BRD2: variants seen among roughly 807,000 people sequenced by gnomAD.
BRD2 encodes the protein bromodomain containing 2.
In BRD2, 15 loss-of-function variants were observed where a neutral mutation model predicts 79.1. That is an observed-to-expected ratio of 0.19 (90% CI 0.13 to 0.29). BRD2 has a LOEUF of 0.29. BRD2 is among the 10% of genes least tolerant of loss of function. BRD2 has a pLI of 1.00. For synonymous variants in BRD2, 488 were observed against 358.6 expected, an observed-to-expected ratio of 1.36 and a Z score of -4.08; for missense variants, 1,053 against 991.3, an observed-to-expected ratio of 1.06 and a Z score of -0.84.
In BRD2 at chr6:32,980,453, C is replaced by T; in HGVS notation, c.2258C>T (p.Pro753Leu). Residue 753 changes from proline to leucine, a missense_variant, in exon 12 of 13, where the codon CCC becomes CTC. Pro to Leu is a moderately conservative substitution (Grantham distance 98, BLOSUM62 -3). Around this residue, in one of 5 missense-constraint regions of BRD2, gnomAD observed 139 missense variants for 133.2 expected, o/e 1.04. Coordinates refer to ENST00000374825, the MANE Select transcript of BRD2 (RefSeq NM_005104.4). ...GGACAGCTCAATTCTACTAAAAAGCCCCCCAAGAAAGGTGAGTATATACTT... is the reference window on the plus strand; with the variant it reads ...GGACAGCTCAATTCTACTAAAAAGCTCCCCAAGAAAGGTGAGTATATACTT... ...VSGQLNSTKK[P>L]PKKANEKTES... 1.2e-6 allele frequency: 2 copies of T among 1,612,974 alleles called. No homozygotes were observed. Among genetic ancestry groups the T allele is most frequent in the South Asian group, 1.1e-5 (1 of 91,074 alleles).
rs763915571 is a variant in BRD2 at position 32,974,771 on chromosome 6, T to C, written c.333+6T>C. 1 of 1,611,580 alleles carries C rather than the reference T, an allele frequency of 6.2e-7. No homozygotes were observed. The highest frequency in any genetic ancestry group is 2.2e-5 in the East Asian group (1 of 44,838). ...CTGTCAAACTGGGTCTACCGGTGAG[T>C]AGAGACATTGGAGCCGGGGAGGTGT... On this transcript the variant is annotated splice_donor_region_variant and intron_variant, in intron 3 of 12. Coordinates refer to ENST00000374825, the MANE Select transcript of BRD2 (RefSeq NM_005104.4).
At chr6:32,979,353 C>G (rs1779228932) in intron 10 of BRD2, among the ~76,000 whole-genome samples, 1 of 152,154 alleles carries the variant, frequency 6.6e-6, no homozygotes. Flanking sequence ...GCTGGGATTA[C>G]AAATCTGAGC....
At chr6:32,975,677 C>T (rs1387099676) in intron 4 of BRD2, among the ~76,000 whole-genome samples, 156 bp downstream of exon 4, 1 of 152,132 alleles carries the variant, frequency 6.6e-6, no homozygotes, top group Non-Finnish European at 1.5e-5. Flanking sequence ...CTAGATGGTA[C>T]TATTGAACAC....
intron 2 of BRD2, among the ~76,000 whole-genome samples, chr6:32,973,317 C>T (rs1778286702): frequency 6.6e-6 from 1 of 151,970 alleles, no homozygotes; most frequent in Non-Finnish European, 1.5e-5. Flanking sequence ...TGTAGGGTTG[C>T]CATGGTGACG....
In BRD2 at chr6:32,971,785, C is replaced by G. The variant is rs200226207; in HGVS notation, c.-1114C>G. On this transcript the variant is annotated 5_prime_UTR_variant, in exon 2 of 13. Transcript: ENST00000374825. ...TCTCCAGTTGGGCTGTGCATGGAAGCTTGGGAAGACTTTGTTGGAAGGGGA... is the reference window on the plus strand; with the variant it reads ...TCTCCAGTTGGGCTGTGCATGGAAGGTTGGGAAGACTTTGTTGGAAGGGGA... The G allele has an allele frequency of 2.1e-5, 13 of 628,620 alleles. No individual in the cohort carries two copies. The highest frequency in any genetic ancestry group is 3.1e-5 in the Non-Finnish European group (11 of 351,672). 38.9% of individuals were successfully genotyped at this position (628,620 alleles called of 1,614,324 possible). A position where few individuals can be genotyped will look rare whatever the true frequency, so the allele number is the denominator to read the frequency against.
At chr6:32,969,298 G>A in intron 1 of BRD2, 1 of 714,298 alleles carries the variant, frequency 1.4e-6, no homozygotes. Flanking sequence ...GTTAGGGGGC[G>A]GTGTGGCCCC....
chr6:32,977,226 CT>C, intron 7 of BRD2: 1 of 1,527,348 alleles, frequency 6.5e-7, no homozygotes, highest in Non-Finnish European at 8.8e-7. Context: ...CATAGGCCAC[CT>C]CTCTGTCACT....
At chr6:32,979,365 A>C (rs1243121975) in intron 10 of BRD2, among the ~76,000 whole-genome samples, 2 of 152,110 alleles carry the variant, frequency 1.3e-5, no homozygotes, top group African/African-American at 2.4e-5. Context: ...AATCTGAGCC[A>C]CTGCAGCTGG....
At position 32,979,808 on chromosome 6, in the gene BRD2, A is replaced by T. The variant is rs776574039; in HGVS notation, c.1842-20A>T. On this transcript the variant is annotated intron_variant, in intron 10 of 12. Transcript: ENST00000374825. ...GAGGTTAATGAAGCTTCTTTTGCTGACAACTCTTTTTGCCCTTAGGCTCCC... is the reference window on the plus strand; with the variant it reads ...GAGGTTAATGAAGCTTCTTTTGCTGTCAACTCTTTTTGCCCTTAGGCTCCC... 1.2e-6 allele frequency: 2 copies of T among 1,601,738 alleles called. No homozygotes were observed. Among genetic ancestry groups the T allele is most frequent in the Non-Finnish European group, 8.5e-7 (1 of 1,174,380 alleles).
In BRD2 at chr6:32,972,139, G is replaced by A; in HGVS notation, c.-760G>A. On this transcript the variant is annotated 5_prime_UTR_variant, in exon 2 of 13. The change abolishes an upstream ATG in the 5' untranslated region. Coordinates refer to ENST00000374825, the MANE Select transcript of BRD2 (RefSeq NM_005104.4). ...AAAGCTCAAGCAGGGTGGCGCGCAT[G>A]AGCGGCGAAGCTCCTCCTCCCCGCC... The A allele has an allele frequency of 3.0e-6, 2 of 657,456 alleles. No individual in the cohort carries two copies. The highest frequency in any genetic ancestry group is 5.6e-5 in the East Asian group (2 of 36,008). The allele number at this position is 657,456 out of a possible 1,614,324, so 40.7% of individuals were successfully genotyped here. A position where few individuals can be genotyped will look rare whatever the true frequency, so the allele number is the denominator to read the frequency against.
Position 32,977,563 on chromosome 6 carries a change from A to T in BRD2, c.1322A>T (p.Lys441Met). The T allele has an allele frequency of 1.2e-6, 2 of 1,614,024 alleles. No individual in the cohort carries two copies. The highest frequency in any genetic ancestry group is 2.2e-5 in the South Asian group (2 of 91,086). The change falls in exon 8 of 13, where the codon AAG becomes ATG. Residue 441 changes from lysine to methionine, a missense_variant. Lys to Met is a moderately conservative substitution (Grantham distance 95, BLOSUM62 -1). This residue lies in a region of BRD2 where 454 missense variants were observed against 430.5 expected (regional missense o/e 1.05). Transcript: ENST00000374825. ...CACGATGTTGTGGCAATGGCACGAA[A>T]GCTACAGGTGAGTGGAAAGGTTGGA... ...PDHDVVAMAR[K>M]LQDVFEFRYA...
Position 32,975,171 on chromosome 6 carries a change from G to A in BRD2, c.334-213G>A, listed in dbSNP as rs998949612. ...GTGGGAGGTGGGTGGTTAGAGAAAG[G>A]CAGCAGGGGCCTCCCTGTGGATGTC... On this transcript the variant is annotated intron_variant, in intron 3 of 12. Coordinates refer to ENST00000374825, the MANE Select transcript of BRD2 (RefSeq NM_005104.4). 4 of 1,401,614 alleles carry A rather than the reference G, an allele frequency of 2.9e-6. No homozygotes were observed. The Admixed American group carries it at 6.1e-5, about 21-fold the overall frequency. The allele number at this position is 1,401,614 out of a possible 1,614,324, so 86.8% of individuals were successfully genotyped here. A position where few individuals can be genotyped will look rare whatever the true frequency, so the allele number is the denominator to read the frequency against.
Position 32,980,416 on chromosome 6 carries a change from C to A in BRD2, c.2221C>A (p.Gln741Lys). ...AAAGCGGGAATTAGAAAAGCGGTTACAAGATGTCAGCGGACAGCTCAATTC... is the reference window on the plus strand; with the variant it reads ...AAAGCGGGAATTAGAAAAGCGGTTAAAAGATGTCAGCGGACAGCTCAATTC... ...EKKRELEKRL[Q>K]DVSGQLNSTK... The change falls in exon 12 of 13, where the codon CAA (glutamine) becomes AAA (lysine). Residue 741 changes from glutamine (Q) to lysine (K), a missense_variant. Transcript: ENST00000374825. The A allele has an allele frequency of 1.2e-6, 2 of 1,613,078 alleles. No homozygotes were observed.
In BRD2 at chr6:32,978,257, T is replaced by C. The variant is rs1063379; in HGVS notation, c.1710T>C (p.Asp570=). 0.024 allele frequency: 38,924 copies of C among 1,612,970 alleles called. 868 individuals carry two copies. The highest frequency in any genetic ancestry group is 0.09 in the African/African-American group (6,778 of 74,990). Residue 570 remains aspartate (D), a synonymous_variant, in exon 10 of 13, where the codon GAT becomes GAC. Transcript: ENST00000374825. Reference sequence around the variant, plus strand: ...AGCATCGAGGCCGAGCTGGGGCCGATGAAGATGACAAGGGGCCTAGGGCAC... The same window carrying C: ...AGCATCGAGGCCGAGCTGGGGCCGACGAAGATGACAAGGGGCCTAGGGCAC... ...AEKHRGRAGA[D]EDDKGPRAPR...
Position 32,972,598 on chromosome 6 carries a change from G to A in BRD2, c.-301G>A. 1 of 553,514 alleles carries A rather than the reference G, an allele frequency of 1.8e-6. No homozygotes were observed. The highest frequency in any genetic ancestry group is 3.1e-5 in the East Asian group (1 of 32,140). 34.3% of individuals were successfully genotyped at this position (553,514 alleles called of 1,614,324 possible). ...AACAGCGGGCTATATTGACGACGGT[G>A]TCTGAGATCGGGGACCGTCTTTTGA... On this transcript the variant is annotated 5_prime_UTR_variant, in exon 2 of 13. Coordinates refer to ENST00000374825, the MANE Select transcript of BRD2 (RefSeq NM_005104.4).
rs142520217 is a variant in BRD2 at position 32,972,918 on chromosome 6, C to T, written c.20C>T (p.Pro7Leu). 16 of 1,614,034 alleles carry T rather than the reference C, an allele frequency of 9.9e-6. No individual in the cohort carries two copies. The African/African-American group carries it at 1.5e-4, about 15-fold the overall frequency. Reference protein sequence around the residue: MLQNVTPHNKLPGEGNA... With the variant: MLQNVTLHNKLPGEGNA... ...GTCAAGATGCTGCAAAACGTGACTCCCCACAATAAGTACGTTTCCGCGAGC... is the reference window on the plus strand; with the variant it reads ...GTCAAGATGCTGCAAAACGTGACTCTCCACAATAAGTACGTTTCCGCGAGC... The change falls in exon 2 of 13, where the codon CCC becomes CTC. Residue 7 changes from proline (P) to leucine (L), a missense_variant. Pro to Leu is a moderately conservative substitution (Grantham distance 98). Around this residue, in one of 5 missense-constraint regions of BRD2, gnomAD observed 413 missense variants for 335.1 expected, o/e 1.23. Transcript: ENST00000374825.
In BRD2 at chr6:32,968,649, G is replaced by A. The variant is rs1194099634; in HGVS notation, c.-1712G>A. ...CTCGTATGGAGAGGCGAGTGGGGGG[G>A]ACAGAGTCCAGGACTGCGGGATAGG... is the stretch of plus-strand genomic sequence containing the variant. On this transcript the variant is annotated 5_prime_UTR_variant, in exon 1 of 13. Transcript: ENST00000374825. The A allele has an allele frequency of 6.5e-6, 1 of 153,192 alleles. No homozygotes were observed. Among genetic ancestry groups the A allele is most frequent in the Non-Finnish European group, 1.5e-5 (1 of 68,708 alleles). 9.5% of individuals were successfully genotyped at this position (153,192 alleles called of 1,614,324 possible).
chr6:32,973,117 G>A (rs1778252189), intron 2 of BRD2, 190 bp downstream of exon 2: 1 of 1,554,148 alleles, frequency 6.4e-7, no homozygotes, highest in East Asian at 2.4e-5. Flanking sequence ...ACTGCTCGTG[G>A]AGGGGAATAC....
At position 32,980,638 on chromosome 6, in the gene BRD2, G is replaced by A. The variant is rs1478837676; in HGVS notation, c.2326G>A (p.Ala776Thr). ...AQQVAVSRLS[A>T]SSSSSDSSSS... ...GCAAGTAGCAGTGTCACGCCTTAGC[G>A]CTTCCAGCTCCAGCTCAGATTCCAG... is the stretch of plus-strand genomic sequence containing the variant. Residue 776 changes from alanine to threonine, a missense_variant, in exon 13 of 13, where the codon GCT (alanine) becomes ACT (threonine). Around this residue, in one of 5 missense-constraint regions of BRD2, gnomAD observed 139 missense variants for 133.2 expected, o/e 1.04. Transcript: ENST00000374825. 1.1e-5 allele frequency: 18 copies of A among 1,613,032 alleles called. No homozygotes were observed. Among genetic ancestry groups the A allele is most frequent in the Non-Finnish European group, 1.5e-5 (18 of 1,180,044 alleles).
Sources: allele counts gnomAD v4.1 joint callset (sites outside exome capture counted in the v4.1 genomes callset), GRCh38; gene constraint gnomAD v4.1.1; regional missense constraint gnomAD v4.1.1; transcripts MANE v1.5; gene names NCBI Gene and HGNC (gene_info 2026-07-23, HGNC 2026-07-21).